ZNG1B: variants seen among roughly 807,000 people sequenced by gnomAD.
ZNG1B encodes the protein zinc-regulated GTPase metalloprotein activator 1B.
chr2:113,472,152 C>T, the ZNG1B span, among the ~76,000 whole-genome samples: 1 of 150,658 alleles, frequency 6.6e-6, no homozygotes, highest in Non-Finnish European at 1.5e-5. Flanking sequence ...CCTGTTGTTT[C>T]CTGACTTCTT....
chr2:113,438,522 T>C, the ZNG1B span, among the ~76,000 whole-genome samples: 1 of 152,032 alleles, frequency 6.6e-6, no homozygotes, highest in Non-Finnish European at 1.5e-5. Flanking sequence ...AGCGCTCCTA[T>C]CTTAAACACT....
At chr2:113,445,939 G>A in the ZNG1B span, among the ~76,000 whole-genome samples, 3 of 151,910 alleles carry the variant, frequency 2.0e-5, no homozygotes, top group South Asian at 2.1e-4. Context: ...AATGTGATCC[G>A]TGGTTATTGT....
the ZNG1B span, among the ~76,000 whole-genome samples, chr2:113,486,507 G>A: frequency 4.0e-5 from 6 of 149,794 alleles, no homozygotes; most frequent in Admixed American, 1.3e-4. Flanking sequence ...TAATCCTCAC[G>A]CTTTGACAGG....
the ZNG1B span, among the ~76,000 whole-genome samples, chr2:113,487,546 C>T: frequency 2.0e-5 from 3 of 151,686 alleles, no homozygotes; most frequent in South Asian, 6.3e-4. Context: ...TCGTCTCCCT[C>T]TAACCCCTGG....
chr2:113,489,329 G>T, the ZNG1B span, among the ~76,000 whole-genome samples: 1 of 152,080 alleles, frequency 6.6e-6, no homozygotes, highest in Non-Finnish European at 1.5e-5. Context: ...AGCCAACAGT[G>T]CAAGAATGCT....
the ZNG1B span, among the ~76,000 whole-genome samples, chr2:113,475,441 C>G: frequency 6.7e-6 from 1 of 150,108 alleles, no homozygotes; most frequent in Non-Finnish European, 1.5e-5. Context: ...GACTCTTTAT[C>G]CAATTTGCCA....
At chr2:113,489,804 A>C in the ZNG1B span, among the ~76,000 whole-genome samples, 1 of 148,836 alleles carries the variant, frequency 6.7e-6, no homozygotes, top group Middle Eastern at 3.4e-3. Context: ...CTTGTCCAAC[A>C]GGAAAGTATC....
chr2:113,472,535 G>A, the ZNG1B span, among the ~76,000 whole-genome samples: 4 of 152,030 alleles, frequency 2.6e-5, no homozygotes, highest in East Asian at 7.8e-4. Context: ...ATTGCTTTTG[G>A]TGTTTTAGAC....
At chr2:113,437,908 C>T in the ZNG1B span, 3 of 1,611,908 alleles carry the variant, frequency 1.9e-6, no homozygotes, top group South Asian at 3.3e-5. Flanking sequence ...GGAGGAGGAT[C>T]CTGCGGAGGA....
At chr2:113,465,848 T>G in the ZNG1B span, 4 of 982,150 alleles carry the variant, frequency 4.1e-6, no homozygotes, top group Non-Finnish European at 3.6e-6. Context: ...GCAGTCTAGT[T>G]CCACTCAGTC....
the ZNG1B span, among the ~76,000 whole-genome samples, chr2:113,487,428 G>T: frequency 6.6e-6 from 1 of 152,022 alleles, no homozygotes; most frequent in Non-Finnish European, 1.5e-5. Flanking sequence ...ATTTTTAAGG[G>T]TACAATATAG....
the ZNG1B span, among the ~76,000 whole-genome samples, chr2:113,446,646 T>A: frequency 2.7e-5 from 4 of 148,448 alleles, no homozygotes; most frequent in Non-Finnish European, 5.9e-5. Flanking sequence ...CTCAGGAGGC[T>A]AAGGCATGAG....
chr2:113,445,480 C>G, the ZNG1B span: 1 of 177,122 alleles, frequency 5.6e-6, no homozygotes, highest in African/African-American at 2.4e-5. Context: ...TGCCTATAAC[C>G]TATGCACATC....
the ZNG1B span, among the ~76,000 whole-genome samples, chr2:113,487,967 C>T: frequency 6.6e-6 from 1 of 151,892 alleles, no homozygotes; most frequent in Non-Finnish European, 1.5e-5. Flanking sequence ...TGTTTTTGGG[C>T]GTTCTAGAGC....
the ZNG1B span, among the ~76,000 whole-genome samples, chr2:113,484,851 T>TTC: frequency 6.6e-6 from 1 of 151,072 alleles, no homozygotes; most frequent in African/African-American, 2.4e-5. Context: ...TTTTTTTTTT[T>TTC]TTAGTAGAGA....
chr2:113,475,509 C>T, the ZNG1B span, among the ~76,000 whole-genome samples: 35,055 of 137,292 alleles, frequency 0.26, 4,856 homozygotes, highest in East Asian at 0.5. Flanking sequence ...AATATCGTTA[C>T]GTGTGAATTT....
At chr2:113,444,151 C>G in the ZNG1B span, 34,105 of 440,634 alleles carry the variant, frequency 0.077, no homozygotes, top group African/African-American at 0.29. Context: ...AATGATTATT[C>G]TGAATTTAAT....
chr2:113,438,897 T>C, the ZNG1B span: 1 of 1,354,264 alleles, frequency 7.4e-7, no homozygotes. Context: ...TCGTGACCTT[T>C]TATGTAAAAA....
At chr2:113,457,293 G>A in the ZNG1B span, 1 of 365,096 alleles carries the variant, frequency 2.7e-6, no homozygotes. Context: ...CTTGGAAAAG[G>A]CCAGAACAAT....
Sources: gnomAD v4.1 joint callset for allele counts (sites outside exome capture counted in the v4.1 genomes callset) on GRCh38, gnomAD v4.1.1 for gene constraint, MANE v1.5 for transcripts, NCBI Gene and HGNC (gene_info 2026-07-23, HGNC 2026-07-21) for gene names.